Variants in L3MBTL3 observed in about 807,000 individuals in gnomAD.
The protein encoded by L3MBTL3 is lethal(3)malignant brain tumor-like protein 3.
L3MBTL3 carries 27 observed loss-of-function variants against 102.3 expected under a neutral mutation model. The ratio of observed to expected loss-of-function variants is 0.26; its 90% confidence interval spans 0.19 to 0.36. The LOEUF (loss-of-function observed/expected upper bound fraction) is 0.36, where lower values mean the gene tolerates loss of function less well. Among genes scored for constraint, L3MBTL3 ranks in the 10% least tolerant of loss-of-function variants. The pLI, the probability that L3MBTL3 is intolerant of heterozygous loss-of-function variation, is 1.00. For synonymous variants in L3MBTL3, 340 were observed against 320.9 expected (o/e 1.06, Z -0.64); for missense variants, 798 against 955.3 (o/e 0.84, Z 2.17).
chr6:130,118,027 A>G (rs1582610138), intron 19 of L3MBTL3, among the ~76,000 whole-genome samples: 1 of 152,052 alleles, frequency 6.6e-6, no homozygotes, highest in Admixed American at 6.6e-5. Context: ...TTTATTTTAA[A>G]TAAAATGTAA....
At chr6:130,099,855 T>A (rs1784578284) in intron 18 of L3MBTL3, among the ~76,000 whole-genome samples, 1 of 152,144 alleles carries the variant, frequency 6.6e-6, no homozygotes, top group African/African-American at 2.4e-5. Context: ...AAGAATAGTG[T>A]GATAAGTAAA....
At chr6:130,115,929 G>A (rs1785642539) in intron 19 of L3MBTL3, among the ~76,000 whole-genome samples, 1 of 152,114 alleles carries the variant, frequency 6.6e-6, no homozygotes, top group African/African-American at 2.4e-5. Flanking sequence ...TTTTACCTAT[G>A]TGGGTGCATT....
intron 22 of L3MBTL3, chr6:130,137,600 T>C (rs1019143548): frequency 3.3e-5 from 5 of 151,940 alleles, no homozygotes; most frequent in African/African-American, 7.3e-5. Context: ...TCCCAGCCAC[T>C]AAGTTCTCTG....
At chr6:130,027,505 C>T (rs551309618) in intron 2 of L3MBTL3, among the ~76,000 whole-genome samples, 8 of 152,006 alleles carry the variant, frequency 5.3e-5, no homozygotes, top group South Asian at 2.1e-4. Context: ...AGTAATTCAC[C>T]GTATTGGTTT....
chr6:130,070,952 A>C lies in L3MBTL3; in HGVS notation c.1093-24A>C. 2.5e-6 allele frequency: 4 copies of C among 1,607,286 alleles called. No individual in the cohort carries two copies. In the African/African-American group the frequency reaches 4.0e-5, roughly 16 times the overall value. ...GGTTGTCAAGTGTGTGCTTATCTCT[A>C]ATTAAATCTGTGTGTTTCCATAGAC... On this transcript the variant is annotated intron_variant, in intron 12 of 22. Transcript: ENST00000361794.
chr6:130,106,500 T>C (rs968375983), intron 19 of L3MBTL3, among the ~76,000 whole-genome samples: 1 of 152,200 alleles, frequency 6.6e-6, no homozygotes, highest in African/African-American at 2.4e-5. Flanking sequence ...AGCAGTACTT[T>C]AGTTTGTCAG....
chr6:130,042,019 C>T (rs2114685097), intron 2 of L3MBTL3, among the ~76,000 whole-genome samples: 1 of 152,286 alleles, frequency 6.6e-6, no homozygotes, highest in African/African-American at 2.4e-5. Context: ...TAGGAGCCAT[C>T]AATCTTTCAT....
intron 18 of L3MBTL3, among the ~76,000 whole-genome samples, chr6:130,098,863 C>CTTTTTT (rs11332477): frequency 8.4e-6 from 1 of 118,522 alleles, no homozygotes; most frequent in Admixed American, 8.3e-5. Flanking sequence ...GTGTGTTTTT[C>CTTTTTT]TTTTTTTTTT....
At chr6:130,124,295 C>T (rs1428427099) in intron 20 of L3MBTL3, among the ~76,000 whole-genome samples, 1 of 152,148 alleles carries the variant, frequency 6.6e-6, no homozygotes, top group Non-Finnish European at 1.5e-5. Context: ...GAGAATGAAG[C>T]CCTGGTTCTG....
chr6:130,086,185 G>C lies in L3MBTL3; in HGVS notation c.1453G>C (p.Asp485His). 6.2e-7 allele frequency: 1 copy of C among 1,613,290 alleles called. No individual in the cohort carries two copies. The highest frequency in any genetic ancestry group is 8.5e-7 in the Non-Finnish European group (1 of 1,179,740). ...GAAAAAAATGAAGCTTGAGGTTGTA[G>C]ACAAAAGGAACCCTATGTTTATTAG... is the stretch of plus-strand genomic sequence containing the variant. ...FQKKMKLEVV[D>H]KRNPMFIRVA... The change falls in exon 16 of 23, where the codon GAC (aspartate) becomes CAC (histidine). Residue 485 changes from aspartate to histidine, a missense_variant. By Grantham distance (81) the Asp-to-His change is moderately conservative. This residue lies in a region of L3MBTL3 where 306 missense variants were observed against 314.4 expected (regional missense o/e 0.97). Coordinates refer to ENST00000361794, the MANE Select transcript of L3MBTL3 (RefSeq NM_032438.4).
chr6:130,048,937 T>G (rs1479977859), intron 3 of L3MBTL3, among the ~76,000 whole-genome samples: 1 of 67,276 alleles, frequency 1.5e-5, no homozygotes, highest in Non-Finnish European at 3.3e-5. Flanking sequence ...TAAGTCTTAG[T>G]TAAAACACAC....
chr6:130,090,127 G>A (rs936569202), intron 16 of L3MBTL3, among the ~76,000 whole-genome samples: 3 of 151,954 alleles, frequency 2.0e-5, no homozygotes, highest in African/African-American at 7.2e-5. Context: ...TTTCTATGGG[G>A]TTTTGATTCT....
chr6:130,119,077 T>C (rs1321190654), intron 19 of L3MBTL3, among the ~76,000 whole-genome samples: 1 of 152,194 alleles, frequency 6.6e-6, no homozygotes, highest in Non-Finnish European at 1.5e-5. Flanking sequence ...TGCTGATTAT[T>C]GGTGGATAAT....
At chr6:130,045,485 A>T (rs1029246580) in intron 3 of L3MBTL3, among the ~76,000 whole-genome samples, 1 of 152,118 alleles carries the variant, frequency 6.6e-6, no homozygotes, top group Non-Finnish European at 1.5e-5. Flanking sequence ...CCTTTTTAAG[A>T]TAGTTTTTGT....
At chr6:130,025,793 G>A (rs575117810) in intron 2 of L3MBTL3, among the ~76,000 whole-genome samples, 1 of 152,262 alleles carries the variant, frequency 6.6e-6, no homozygotes, top group Non-Finnish European at 1.5e-5. Flanking sequence ...TCCACCAACA[G>A]ATACTTATTG....
chr6:130,104,651 A>G (rs1582576211), intron 19 of L3MBTL3, 76 bp downstream of exon 19: 1 of 1,091,136 alleles, frequency 9.2e-7, no homozygotes, highest in East Asian at 2.9e-5. Flanking sequence ...TAGATATTTT[A>G]TTTCCTATAG....
At chr6:130,121,777 A>C (rs1298546163) in intron 20 of L3MBTL3, among the ~76,000 whole-genome samples, 2 of 152,228 alleles carry the variant, frequency 1.3e-5, no homozygotes, top group Non-Finnish European at 2.9e-5. Flanking sequence ...AATTTGTCCT[A>C]CATCTTTGTT....
chr6:130,052,831 C>T, intron 6 of L3MBTL3, 28 bp from the exon 7 acceptor site: 1 of 1,599,826 alleles, frequency 6.3e-7, no homozygotes. Flanking sequence ...TGTCTCTTGT[C>T]ACTATTTTGG....
At chr6:130,085,832 C>T (rs1783649930) in intron 15 of L3MBTL3, among the ~76,000 whole-genome samples, 1 of 152,144 alleles carries the variant, frequency 6.6e-6, no homozygotes, top group African/African-American at 2.4e-5. Context: ...TCTCACCTCA[C>T]TACTCCACCT....
Sources: gnomAD v4.1 joint callset for allele counts (sites outside exome capture counted in the v4.1 genomes callset) on GRCh38, gnomAD v4.1.1 for gene constraint, gnomAD v4.1.1 regional missense constraint, MANE v1.5 for transcripts, NCBI Gene and HGNC (gene_info 2026-07-23, HGNC 2026-07-21) for gene names.